Variants in TRDN observed in about 807,000 individuals in gnomAD.
TRDN encodes the protein triadin in skeletal muscle.
Under a neutral mutation model 149.7 loss-of-function variants are expected in TRDN, and 161 were observed. The observed-to-expected ratio is 1.08, with a 90% CI of 0.95 to 1.23. The LOEUF (loss-of-function observed/expected upper bound fraction) is 1.23, where lower values mean the gene tolerates loss of function less well. Among genes scored for constraint, TRDN ranks in the 50% most tolerant of loss-of-function variants. The pLI is 0.00. For missense variants in TRDN, 896 were observed against 823.5 expected, an observed-to-expected ratio of 1.09 and a Z score of -1.08; for synonymous variants, 294 against 250.5, an observed-to-expected ratio of 1.17 and a Z score of -1.64.
intron 5 of TRDN, among the ~76,000 whole-genome samples, chr6:123,521,901 C>T (rs1288013826): frequency 1.3e-5 from 2 of 152,130 alleles, no homozygotes; most frequent in African/African-American, 4.8e-5. Flanking sequence ...TGTGTATTTA[C>T]TTTTTCAAAT....
At position 123,278,338 on chromosome 6, in the gene TRDN, C is replaced by G. The variant is rs145032876; in HGVS notation, c.1547G>C (p.Gly516Ala). 39 of 1,289,572 alleles carry G rather than the reference C, an allele frequency of 3.0e-5. No individual in the cohort carries two copies. In the East Asian group the frequency reaches 1.1e-3, roughly 37 times the overall value. The allele number at this position is 1,289,572 out of a possible 1,614,324, so 79.9% of individuals were successfully genotyped here. A position where few individuals can be genotyped will look rare whatever the true frequency, so the allele number is the denominator to read the frequency against. Residue 516 changes from glycine to alanine, a missense_variant, in exon 26 of 41, where the codon GGA (glycine) becomes GCA (alanine). Transcript: ENST00000334268. ...EVKPKPPQLQ[G>A]KKEEKPEPQI... is the part of the protein sequence containing the mutation. ...CATACCTGGCTTCTCTTCCTTTTTT[C>G]CTTGTAGTTCTAAAAATATAGATGA...
At chr6:123,618,794 T>G (rs1242539731) in intron 1 of TRDN, among the ~76,000 whole-genome samples, 2 of 152,168 alleles carry the variant, frequency 1.3e-5, no homozygotes, top group Non-Finnish European at 1.5e-5. Flanking sequence ...TGTGACAACC[T>G]TAGTTGAGAA....
At chr6:123,250,791 C>T (rs2114567174) in intron 38 of TRDN, among the ~76,000 whole-genome samples, 1 of 152,168 alleles carries the variant, frequency 6.6e-6, no homozygotes, top group East Asian at 1.9e-4. Flanking sequence ...TGACTTTTTA[C>T]TTCCTTCTAG....
At chr6:123,463,266 G>A (rs553072247) in intron 10 of TRDN, among the ~76,000 whole-genome samples, 65 of 151,834 alleles carry the variant, frequency 4.3e-4, no homozygotes, top group African/African-American at 1.6e-3. Context: ...GAACCCGGGA[G>A]GCGGAGCTTG....
At chr6:123,423,446 T>A (rs1168244514) in intron 12 of TRDN, among the ~76,000 whole-genome samples, 2 of 152,182 alleles carry the variant, frequency 1.3e-5, no homozygotes, top group Non-Finnish European at 2.9e-5. Context: ...ATTTTCCTCC[T>A]ATAAGAAGTC....
At chr6:123,233,129 C>T (rs1562222025) in intron 38 of TRDN, among the ~76,000 whole-genome samples, 1 of 152,092 alleles carries the variant, frequency 6.6e-6, no homozygotes, top group Non-Finnish European at 1.5e-5. Flanking sequence ...ATTTTCTCAA[C>T]TAACTGGCCA....
At chr6:123,533,120 C>G (rs1208866157) in intron 4 of TRDN, among the ~76,000 whole-genome samples, 1 of 151,998 alleles carries the variant, frequency 6.6e-6, no homozygotes, top group Non-Finnish European at 1.5e-5. Flanking sequence ...ATTCCTTACT[C>G]CTAGTAGGTA....
intron 8 of TRDN, chr6:123,498,682 T>C (rs904301675): frequency 6.5e-6 from 3 of 458,898 alleles, no homozygotes; most frequent in Non-Finnish European, 1.4e-5. Context: ...AGGTAGAAGG[T>C]ATTTTCTCTT....
At chr6:123,315,977 A>G (rs1453562830) in intron 24 of TRDN, among the ~76,000 whole-genome samples, 1 of 151,958 alleles carries the variant, frequency 6.6e-6, no homozygotes, top group Non-Finnish European at 1.5e-5. Flanking sequence ...AATTGTGTGA[A>G]AGAAAAGTGT....
intron 1 of TRDN, among the ~76,000 whole-genome samples, chr6:123,592,372 A>T (rs530887672): frequency 1.3e-5 from 2 of 152,236 alleles, no homozygotes; most frequent in African/African-American, 2.4e-5. Context: ...AGGTTAAAAA[A>T]TAAATGAAAA....
At chr6:123,399,284 C>G (rs1772861651) in intron 12 of TRDN, among the ~76,000 whole-genome samples, 1 of 152,112 alleles carries the variant, frequency 6.6e-6, no homozygotes, top group Admixed American at 6.6e-5. Flanking sequence ...GAATAATGAG[C>G]ATTTCCCCCT....
At chr6:123,327,650 G>A (rs148378802) in intron 23 of TRDN, among the ~76,000 whole-genome samples, 35 of 152,092 alleles carry the variant, frequency 2.3e-4, no homozygotes, top group African/African-American at 7.0e-4. Context: ...TTATGTTTAG[G>A]AATGCTAAAC....
At chr6:123,502,113 T>C (rs1583155345) in intron 8 of TRDN, 3 of 984,138 alleles carry the variant, frequency 3.0e-6, no homozygotes, top group Non-Finnish European at 3.6e-6. Context: ...AGGTTTTCAC[T>C]GATTTCATGT....
chr6:123,536,857 C>T (rs571566186), intron 4 of TRDN, among the ~76,000 whole-genome samples: 134 of 152,050 alleles, frequency 8.8e-4, no homozygotes, highest in African/African-American at 3.1e-3. Flanking sequence ...GCATTTCCGC[C>T]TGGGCAGCAG....
chr6:123,630,346 T>C (rs1285783020), intron 1 of TRDN, among the ~76,000 whole-genome samples: 3 of 152,054 alleles, frequency 2.0e-5, no homozygotes, highest in Non-Finnish European at 4.4e-5. Flanking sequence ...ACCATTTTCT[T>C]TTCAAATTGA....
intron 10 of TRDN, among the ~76,000 whole-genome samples, chr6:123,447,238 A>G (rs1482066334): frequency 6.6e-6 from 1 of 152,164 alleles, no homozygotes; most frequent in East Asian, 1.9e-4. Context: ...ACTACCCGAG[A>G]CCTTTAGTCA....
At chr6:123,604,680 A>G (rs1454662466) in intron 1 of TRDN, among the ~76,000 whole-genome samples, 3 of 152,146 alleles carry the variant, frequency 2.0e-5, no homozygotes, top group Non-Finnish European at 4.4e-5. Context: ...ATGGAATTTT[A>G]AAATATCCAG....
At position 123,473,907 on chromosome 6, in the gene TRDN, C is replaced by T. The variant is rs182679049; in HGVS notation, c.854-8924G>A. Reference sequence around the variant, plus strand: ...ACAAGCAGATGCTGAGAGATTTTGTCACCACCAGGCCTGCCCTAAAAGAGC... The same window carrying T: ...ACAAGCAGATGCTGAGAGATTTTGTTACCACCAGGCCTGCCCTAAAAGAGC... On this transcript the variant is annotated intron_variant, in intron 9 of 40. Coordinates refer to ENST00000334268, the MANE Select transcript of TRDN (RefSeq NM_006073.4). 3.4e-3 allele frequency among the ~76,000 whole-genome samples: 520 copies of T among 152,010 alleles called. 25 individuals carry two copies. The East Asian group carries it at 0.093, about 27-fold the overall frequency.
intron 7 of TRDN, among the ~76,000 whole-genome samples, chr6:123,508,280 G>C (rs145713412): frequency 6.6e-6 from 1 of 152,272 alleles, no homozygotes; most frequent in East Asian, 1.9e-4. Context: ...GGAGTAGAAA[G>C]AGTAGAATCA....
Sources: allele counts gnomAD v4.1 joint callset (sites outside exome capture counted in the v4.1 genomes callset), GRCh38; gene constraint gnomAD v4.1.1; transcripts MANE v1.5; gene names NCBI Gene and HGNC (gene_info 2026-07-23, HGNC 2026-07-21).